PCDH15: variants seen among roughly 807,000 people sequenced by gnomAD.
PCDH15 encodes the protein protocadherin-15.
Under a neutral mutation model 178.5 loss-of-function variants are expected in PCDH15, and 129 were observed. The observed-to-expected ratio is 0.72, with a 90% CI of 0.63 to 0.84. The LOEUF is 0.84. Ranked by LOEUF, PCDH15 falls within the 40% of genes least tolerant of loss-of-function variation. The probability of loss-of-function intolerance (pLI) is 0.00; values close to 1 mark genes in which losing one functional copy is unlikely to be tolerated. For missense variants in PCDH15, 2,230 were observed against 2,099.9 expected (o/e 1.06, Z -1.21); for synonymous variants, 800 against 732.0 (o/e 1.09, Z -1.50).
At chr10:55,221,431 T>C (rs1485407429) in intron 1 of PCDH15, among the ~76,000 whole-genome samples, 1 of 152,152 alleles carries the variant, frequency 6.6e-6, no homozygotes, top group Non-Finnish European at 1.5e-5. Context: ...TCATACAGCC[T>C]GTAAACTGTT....
chr10:54,376,690 A>G (rs1004948023), intron 4 of PCDH15, among the ~76,000 whole-genome samples: 2 of 151,814 alleles, frequency 1.3e-5, no homozygotes, highest in Non-Finnish European at 2.9e-5. Flanking sequence ...AACTAAGATT[A>G]TTTCAAATAT....
chr10:54,533,240 A>T (rs908950286), intron 2 of PCDH15, among the ~76,000 whole-genome samples: 1 of 152,164 alleles, frequency 6.6e-6, no homozygotes, highest in Non-Finnish European at 1.5e-5. Flanking sequence ...ATTTTATGTC[A>T]TTTCATTGAA....
rs907797684 is a variant in PCDH15 at position 53,920,992 on chromosome 10, A to G, written c.3374-17622T>C. Among the ~76,000 whole-genome samples the G allele has an allele frequency of 2.6e-5, 4 of 152,166 alleles. No homozygotes were observed. In the South Asian group the frequency reaches 8.3e-4, roughly 32 times the overall value. ...ATATTAAATAATTCATTTTTTGCAC[A>G]AATTTTAGAAGTAATATAAGTGGAA... On this transcript the variant is annotated intron_variant, in intron 25 of 37. Transcript: ENST00000644397.
chr10:54,761,795 A>G (rs1947913846), intron 1 of PCDH15, among the ~76,000 whole-genome samples: 1 of 152,002 alleles, frequency 6.6e-6, no homozygotes, highest in Non-Finnish European at 1.5e-5. Context: ...TGAAGGAAGC[A>G]TGCTGGTCAG....
chr10:54,549,405 T>A (rs2086278620), intron 2 of PCDH15, among the ~76,000 whole-genome samples: 1 of 151,954 alleles, frequency 6.6e-6, no homozygotes, highest in Admixed American at 6.6e-5. Flanking sequence ...AATTATGATT[T>A]CTTTTTTACC....
At chr10:54,760,921 A>G (rs1006130297) in intron 1 of PCDH15, among the ~76,000 whole-genome samples, 1 of 152,148 alleles carries the variant, frequency 6.6e-6, no homozygotes, top group Admixed American at 6.5e-5. Flanking sequence ...CAGAAATTCA[A>G]TGCCAAACTA....
At position 53,806,515 on chromosome 10, in the gene PCDH15, A is replaced by G. The variant is rs972072833; in HGVS notation, c.*64T>C. The G allele has an allele frequency of 7.5e-7, 1 of 1,335,064 alleles. No individual in the cohort carries two copies. Among genetic ancestry groups the G allele is most frequent in the Non-Finnish European group, 1.0e-6 (1 of 983,056 alleles). 82.7% of individuals were successfully genotyped at this position (1,335,064 alleles called of 1,614,324 possible). A position where few individuals can be genotyped will look rare whatever the true frequency, so the allele number is the denominator to read the frequency against. ...TCCATACATTGTTTTCTCAGTGACAATAAAAAGCACAGTTTATTAAAAATG... is the reference window on the plus strand; with the variant it reads ...TCCATACATTGTTTTCTCAGTGACAGTAAAAAGCACAGTTTATTAAAAATG... On this transcript the variant is annotated 3_prime_UTR_variant, in exon 38 of 38. Coordinates refer to ENST00000644397, the MANE Select transcript of PCDH15 (RefSeq NM_001384140.1).
chr10:54,954,372 T>C (rs1340292157), intron 2 of PCDH15, among the ~76,000 whole-genome samples: 6 of 151,208 alleles, frequency 4.0e-5, no homozygotes, highest in African/African-American at 9.7e-5. Context: ...TTCCTACAGG[T>C]TAATATTTCC....
intron 2 of PCDH15, among the ~76,000 whole-genome samples, chr10:55,095,962 T>C (rs1842441045): frequency 1.3e-5 from 2 of 152,074 alleles, no homozygotes; most frequent in African/African-American, 4.8e-5. Context: ...GATAATAGGA[T>C]CATGTACAAA....
At chr10:54,413,807 T>C (rs1356663645) in intron 3 of PCDH15, among the ~76,000 whole-genome samples, 1 of 152,154 alleles carries the variant, frequency 6.6e-6, no homozygotes, top group Non-Finnish European at 1.5e-5. Flanking sequence ...TTTCTGTTTC[T>C]GAGTTATTTC....
At chr10:55,280,538 C>G (rs557129000) in intron 1 of PCDH15, among the ~76,000 whole-genome samples, 1 of 150,544 alleles carries the variant, frequency 6.6e-6, no homozygotes, top group African/African-American at 2.4e-5. Context: ...ATCCACCCCC[C>G]TCGGCCTCCC....
intron 3 of PCDH15, 124 bp downstream of exon 3, chr10:54,527,688 G>T: frequency 3.3e-6 from 2 of 605,292 alleles, no homozygotes; most frequent in South Asian, 3.1e-5. Context: ...ATACTGGAGG[G>T]GAATTATCCA....
intron 13 of PCDH15, among the ~76,000 whole-genome samples, chr10:54,161,390 C>G (rs1184117969): frequency 6.6e-6 from 1 of 152,026 alleles, no homozygotes; most frequent in Non-Finnish European, 1.5e-5. Context: ...GTGTCTACAG[C>G]TGAAAATGGG....
intron 18 of PCDH15, among the ~76,000 whole-genome samples, chr10:54,052,624 G>A (rs1590135625): frequency 6.6e-6 from 1 of 152,118 alleles, no homozygotes; most frequent in Non-Finnish European, 1.5e-5. Context: ...TGTCTCAGAT[G>A]AGACTTAGGA....
At chr10:54,417,307 AT>A (rs997716658) in intron 3 of PCDH15, among the ~76,000 whole-genome samples, 1 of 152,104 alleles carries the variant, frequency 6.6e-6, no homozygotes, top group East Asian at 1.9e-4. Flanking sequence ...CCAAATTGGA[AT>A]TTTTTTTAAA....
chr10:54,673,450 T>C (rs1328478228), intron 1 of PCDH15, among the ~76,000 whole-genome samples: 3 of 152,148 alleles, frequency 2.0e-5, no homozygotes, highest in African/African-American at 7.2e-5. Flanking sequence ...GTTGTTTGTT[T>C]GTTTTGAGAT....
rs193137754 is a variant in PCDH15 at position 54,104,226 on chromosome 10, A to G, written c.1918-14163T>C. ...AGGAGGTTTCCACGACTAGGAATGG[A>G]GAAGCCATTTCTTCTGACAAAAAAG... is the stretch of plus-strand genomic sequence containing the variant. On this transcript the variant is annotated intron_variant, in intron 15 of 37. Coordinates refer to ENST00000644397, the MANE Select transcript of PCDH15 (RefSeq NM_001384140.1). 4.6e-4 allele frequency among the ~76,000 whole-genome samples: 70 copies of G among 152,258 alleles called. 1 individual carries two copies. The East Asian group carries it at 6.6e-3, about 14-fold the overall frequency.
At chr10:55,190,741 G>C (rs1190969756) in intron 1 of PCDH15, among the ~76,000 whole-genome samples, 1 of 151,586 alleles carries the variant, frequency 6.6e-6, no homozygotes. Context: ...ATGTTTAGGA[G>C]ATTTTAGAGA....
intron 9 of PCDH15, among the ~76,000 whole-genome samples, chr10:54,222,165 T>C (rs1390297402): frequency 1.3e-5 from 2 of 152,148 alleles, no homozygotes; most frequent in Non-Finnish European, 2.9e-5. Context: ...CTTGAGCAAA[T>C]ATCTAGGAGT....
Sources: allele counts gnomAD v4.1 joint callset (sites outside exome capture counted in the v4.1 genomes callset), GRCh38; gene constraint gnomAD v4.1.1; transcripts MANE v1.5; gene names NCBI Gene and HGNC (gene_info 2026-07-23, HGNC 2026-07-21).